The following CPA6 variants were observed in gnomAD, a reference collection of about 807,000 sequenced individuals.
The protein encoded by CPA6 is carboxypeptidase B.
CPA6 carries 58 observed loss-of-function variants against 63.3 expected under a neutral mutation model. The ratio of observed to expected loss-of-function variants is 0.92; its 90% confidence interval spans 0.74 to 1.14. The LOEUF (loss-of-function observed/expected upper bound fraction) is 1.14. CPA6 is among the 50% of genes most tolerant of loss of function. CPA6 has a pLI of 0.00. For synonymous variants in CPA6, 185 were observed against 179.0 expected (o/e 1.03, Z -0.27); for missense variants, 565 against 526.6 (o/e 1.07, Z -0.71).
At chr8:67,586,988 C>G (rs1288234338) in intron 2 of CPA6, among the ~76,000 whole-genome samples, 4 of 152,196 alleles carry the variant, frequency 2.6e-5, no homozygotes, top group African/African-American at 9.7e-5. Context: ...TGTGTGTAAT[C>G]TAGGCCATAT....
chr8:67,669,230 C>G (rs1249107492), intron 1 of CPA6, among the ~76,000 whole-genome samples: 1 of 152,020 alleles, frequency 6.6e-6, no homozygotes, highest in Non-Finnish European at 1.5e-5. Context: ...TGGCAACAGT[C>G]TTAAGTGAGT....
intron 1 of CPA6, among the ~76,000 whole-genome samples, chr8:67,633,663 A>G (rs868244569): frequency 2.1e-5 from 3 of 145,638 alleles, no homozygotes; most frequent in Middle Eastern, 3.3e-3. Flanking sequence ...CCTGGGCGAC[A>G]GAGCGAGACT....
rs1226552293 is a variant in CPA6 at position 67,428,122 on chromosome 8, C to T, written c.1051G>A (p.Ala351Thr). The change falls in exon 10 of 11, where the codon GCT (alanine) becomes ACT (threonine). Residue 351 changes from alanine to threonine, a missense_variant. Coordinates refer to ENST00000297770, the MANE Select transcript of CPA6 (RefSeq NM_020361.5). ...IPNFRCVESA[A>T]YKAVNALQSV... is the part of the protein sequence containing the mutation. Reference sequence around the variant, plus strand: ...TGAAGTGCATTCACAGCTTTATAAGCTGCAGATTCCTATGAGGGAAAATGG... The same window carrying T: ...TGAAGTGCATTCACAGCTTTATAAGTTGCAGATTCCTATGAGGGAAAATGG... 3 of 1,608,604 alleles carry T rather than the reference C, an allele frequency of 1.9e-6. No individual in the cohort carries two copies. Among genetic ancestry groups the T allele is most frequent in the Non-Finnish European group, 1.7e-6 (2 of 1,175,456 alleles).
chr8:67,632,853 T>A (rs1238448291), intron 1 of CPA6, among the ~76,000 whole-genome samples: 1 of 152,262 alleles, frequency 6.6e-6, no homozygotes, highest in Non-Finnish European at 1.5e-5. Context: ...TGACCTAATA[T>A]GTATTCAAGT....
chr8:67,453,479 C>G (rs1393394836), intron 8 of CPA6, among the ~76,000 whole-genome samples: 1 of 151,954 alleles, frequency 6.6e-6, no homozygotes, highest in Admixed American at 6.6e-5. Context: ...TTAGATACCC[C>G]CAGTGAAGAT....
chr8:67,620,699 T>G (rs1380121540), intron 2 of CPA6, among the ~76,000 whole-genome samples: 2 of 152,180 alleles, frequency 1.3e-5, no homozygotes, highest in Non-Finnish European at 2.9e-5. Context: ...ATCATTCAAA[T>G]TTAAAATGAC....
At chr8:67,691,028 T>C (rs577294034) in intron 1 of CPA6, among the ~76,000 whole-genome samples, 16 of 152,340 alleles carry the variant, frequency 1.1e-4, no homozygotes, top group African/African-American at 3.6e-4. Context: ...GAAAACTTTC[T>C]GTACATTAAC....
intron 6 of CPA6, 108 bp from the exon 7 acceptor site, chr8:67,484,897 A>C (rs1349114294): frequency 3.6e-6 from 2 of 559,724 alleles, no homozygotes; most frequent in Non-Finnish European, 6.4e-6. Flanking sequence ...GGTGGTTTAA[A>C]AAGTCATAAA....
At chr8:67,510,036 G>A (rs186566294) in intron 4 of CPA6, among the ~76,000 whole-genome samples, 14 of 152,226 alleles carry the variant, frequency 9.2e-5, no homozygotes, top group African/African-American at 3.1e-4. Context: ...GTTTCTTAAA[G>A]TCCCATATAT....
At chr8:67,654,304 GT>G (rs1454981406) in intron 1 of CPA6, among the ~76,000 whole-genome samples, 1 of 152,180 alleles carries the variant, frequency 6.6e-6, no homozygotes, top group African/African-American at 2.4e-5. Flanking sequence ...GATTGGAATG[GT>G]TTCAGAAGGA....
intron 1 of CPA6, among the ~76,000 whole-genome samples, chr8:67,742,207 G>A (rs1261455302): frequency 6.6e-6 from 1 of 152,002 alleles, no homozygotes. Flanking sequence ...TATGGGCCCT[G>A]CATGCTTTTC....
intron 2 of CPA6, among the ~76,000 whole-genome samples, chr8:67,576,340 C>A (rs897024673): frequency 7.2e-5 from 11 of 151,914 alleles, no homozygotes; most frequent in Admixed American, 2.0e-4. Flanking sequence ...TTAAAAAAAA[C>A]ATTTTATCTG....
At chr8:67,601,894 T>C (rs1814505941) in intron 2 of CPA6, among the ~76,000 whole-genome samples, 1 of 152,204 alleles carries the variant, frequency 6.6e-6, no homozygotes, top group African/African-American at 2.4e-5. Context: ...TACTTGTACA[T>C]ATGTGAAACA....
At chr8:67,745,964 C>T (rs371447072) in intron 1 of CPA6, 50 bp downstream of exon 1, 14 of 1,406,278 alleles carry the variant, frequency 1.0e-5, no homozygotes, top group Non-Finnish European at 1.3e-5. Context: ...GCAAACCAGC[C>T]CCCAGATCCA....
intron 6 of CPA6, among the ~76,000 whole-genome samples, chr8:67,486,433 A>C (rs188948984): frequency 1.3e-5 from 2 of 152,362 alleles, no homozygotes; most frequent in Admixed American, 1.3e-4. Flanking sequence ...TTCCACATGA[A>C]AAAATATACA....
chr8:67,714,715 C>T (rs1817342613), intron 1 of CPA6, among the ~76,000 whole-genome samples: 1 of 152,108 alleles, frequency 6.6e-6, no homozygotes, highest in Non-Finnish European at 1.5e-5. Context: ...CCTTCCTTAG[C>T]TCTCTCAGTT....
At chr8:67,587,286 C>T (rs979501564) in intron 2 of CPA6, among the ~76,000 whole-genome samples, 3 of 152,076 alleles carry the variant, frequency 2.0e-5, no homozygotes, top group South Asian at 2.1e-4. Context: ...AAGTAATTGA[C>T]ACTCCTGATG....
intron 6 of CPA6, among the ~76,000 whole-genome samples, chr8:67,504,824 G>A (rs1300982900): frequency 3.3e-5 from 5 of 152,122 alleles, no homozygotes; most frequent in Non-Finnish European, 7.4e-5. Context: ...GAGTGAAAGA[G>A]GTGTGGGGAG....
intron 1 of CPA6, among the ~76,000 whole-genome samples, chr8:67,631,255 C>T (rs1392379814): frequency 6.6e-6 from 1 of 152,230 alleles, no homozygotes; most frequent in East Asian, 1.9e-4. Flanking sequence ...CACTCTGTGT[C>T]TACCTCTGGG....
Sources: gnomAD v4.1 joint callset for allele counts (sites outside exome capture counted in the v4.1 genomes callset) on GRCh38, gnomAD v4.1.1 for gene constraint, MANE v1.5 for transcripts, NCBI Gene and HGNC (gene_info 2026-07-23, HGNC 2026-07-21) for gene names.